The following SAMD3 variants were observed in gnomAD, a reference collection of about 807,000 sequenced individuals.
SAMD3 encodes the protein sterile alpha motif domain containing 3.
Under a neutral mutation model 58.5 loss-of-function variants are expected in SAMD3, and 63 were observed. That is an observed-to-expected ratio of 1.08 (90% confidence interval 0.88 to 1.33). The LOEUF (loss-of-function observed/expected upper bound fraction) is 1.33. SAMD3 is among the 40% of genes most tolerant of loss of function. The pLI is 0.00. For synonymous variants in SAMD3, 220 were observed against 210.3 expected (o/e 1.05, Z -0.40); for missense variants, 604 against 608.4 (o/e 0.99, Z 0.08).
At chr6:130,361,275 G>A (rs1430991319) in intron 1 of SAMD3, among the ~76,000 whole-genome samples, 1 of 152,126 alleles carries the variant, frequency 6.6e-6, no homozygotes, top group South Asian at 2.1e-4. Flanking sequence ...TAATTTGGGG[G>A]AACTAATAAA....
At chr6:130,285,419 G>A (rs1208020517) in intron 2 of SAMD3, among the ~76,000 whole-genome samples, 1 of 152,198 alleles carries the variant, frequency 6.6e-6, no homozygotes, top group Non-Finnish European at 1.5e-5. Context: ...AGTAAAGAGA[G>A]AGAGAGGGAA....
At chr6:130,187,293 T>C (rs1387646889) in intron 5 of SAMD3, among the ~76,000 whole-genome samples, 1 of 152,174 alleles carries the variant, frequency 6.6e-6, no homozygotes, top group Non-Finnish European at 1.5e-5. Flanking sequence ...GTCTTTTTAT[T>C]CTACATACTT....
At position 130,184,226 on chromosome 6, in the gene SAMD3, C is replaced by G. The variant is rs757538526; in HGVS notation, c.570-39G>C. On this transcript the variant is annotated intron_variant, in intron 6 of 11. Coordinates refer to ENST00000439090, the MANE Select transcript of SAMD3 (RefSeq NM_001017373.4). ...CAAGGAGGATATGTTTCACTTCAAG[C>G]AAACCACATTCCTTCCTTTAAGATG... is the stretch of plus-strand genomic sequence containing the variant. 17 of 1,510,766 alleles carry G rather than the reference C, an allele frequency of 1.1e-5. No individual in the cohort carries two copies. The South Asian group carries it at 1.8e-4, about 16-fold the overall frequency. The allele number at this position is 1,510,766 out of a possible 1,614,324, so 93.6% of individuals were successfully genotyped here. A position where few individuals can be genotyped will look rare whatever the true frequency, so the allele number is the denominator to read the frequency against.
At chr6:130,315,388 T>C (rs987230527) in intron 1 of SAMD3, among the ~76,000 whole-genome samples, 3 of 152,182 alleles carry the variant, frequency 2.0e-5, no homozygotes, top group Non-Finnish European at 4.4e-5. Flanking sequence ...AATCACTGGA[T>C]TAGACATTTG....
chr6:130,247,792 T>G (rs1017352513), intron 2 of SAMD3, among the ~76,000 whole-genome samples: 2 of 152,234 alleles, frequency 1.3e-5, no homozygotes, highest in Non-Finnish European at 2.9e-5. Context: ...AAGATTTGGA[T>G]TACTATTAGA....
intron 1 of SAMD3, among the ~76,000 whole-genome samples, chr6:130,350,640 A>ATACT (rs1376205364): frequency 1.4e-4 from 22 of 152,324 alleles, no homozygotes; most frequent in Admixed American, 7.2e-4. Flanking sequence ...GAAAATGGCC[A>ATACT]TACTGCCCAA....
chr6:130,145,708 A>G (rs1209060052), intron 10 of SAMD3, among the ~76,000 whole-genome samples: 2 of 152,200 alleles, frequency 1.3e-5, no homozygotes, highest in African/African-American at 2.4e-5. Context: ...TGTAAAATTA[A>G]CTGGTTACTA....
At chr6:130,333,737 T>C (rs748750554) in intron 1 of SAMD3, among the ~76,000 whole-genome samples, 2 of 152,200 alleles carry the variant, frequency 1.3e-5, no homozygotes, top group African/African-American at 4.8e-5. Flanking sequence ...TGCATAAAAA[T>C]CAAGGAAATG....
chr6:130,180,757 G>C (rs1582817728), intron 7 of SAMD3, among the ~76,000 whole-genome samples: 1 of 152,100 alleles, frequency 6.6e-6, no homozygotes, highest in South Asian at 2.1e-4. Context: ...ACACCTAGTG[G>C]GTGCCAGGGA....
At chr6:130,345,599 C>T (rs990415898) in intron 1 of SAMD3, among the ~76,000 whole-genome samples, 1 of 151,922 alleles carries the variant, frequency 6.6e-6, no homozygotes, top group Non-Finnish European at 1.5e-5. Context: ...GAAACACCCC[C>T]GAGAGGCAGC....
chr6:130,161,396 T>C (rs1204777104), intron 8 of SAMD3: 2 of 152,202 alleles, frequency 1.3e-5, no homozygotes, highest in South Asian at 2.1e-4. Flanking sequence ...ATTGCTGATA[T>C]TGACATTTAG....
At chr6:130,319,499 A>G (rs1354671587) in intron 1 of SAMD3, among the ~76,000 whole-genome samples, 1 of 152,206 alleles carries the variant, frequency 6.6e-6, no homozygotes, top group African/African-American at 2.4e-5. Flanking sequence ...ATCAGTAAAT[A>G]CTGAAAAAAC....
intron 2 of SAMD3, among the ~76,000 whole-genome samples, chr6:130,216,096 C>CG (rs1554263717): frequency 6.6e-6 from 1 of 151,922 alleles, no homozygotes; most frequent in East Asian, 1.9e-4. Context: ...GAAGCGTAGG[C>CG]AAGTTTGCAA....
intron 8 of SAMD3, among the ~76,000 whole-genome samples, chr6:130,171,501 T>C (rs529324725): frequency 1.3e-5 from 2 of 152,316 alleles, no homozygotes; most frequent in East Asian, 3.9e-4. Context: ...GGCTGTTCAA[T>C]TTCCATGTAG....
intron 1 of SAMD3, among the ~76,000 whole-genome samples, chr6:130,343,936 G>A (rs1777356216): frequency 6.6e-6 from 1 of 151,406 alleles, no homozygotes; most frequent in Non-Finnish European, 1.5e-5. Context: ...CTGTAATCCA[G>A]CCTGGGCGAC....
intron 1 of SAMD3, among the ~76,000 whole-genome samples, chr6:130,364,951 C>T (rs1179682212): frequency 7.3e-6 from 1 of 136,698 alleles, no homozygotes; most frequent in Non-Finnish European, 1.5e-5. Context: ...ATAAACAGAT[C>T]ACACGCCGAA....
At chr6:130,195,592 T>C (rs1794027490) in intron 5 of SAMD3, among the ~76,000 whole-genome samples, 1 of 152,194 alleles carries the variant, frequency 6.6e-6, no homozygotes, top group African/African-American at 2.4e-5. Context: ...ATCTCAAACA[T>C]GCTTTCTTTA....
At chr6:130,232,414 T>A (rs184388707) in intron 2 of SAMD3, among the ~76,000 whole-genome samples, 1 of 152,210 alleles carries the variant, frequency 6.6e-6, no homozygotes, top group Admixed American at 6.5e-5. Flanking sequence ...TGTCTTACTA[T>A]CCTGTTTCAT....
At chr6:130,349,949 A>G (rs1442596565) in intron 1 of SAMD3, among the ~76,000 whole-genome samples, 1 of 152,236 alleles carries the variant, frequency 6.6e-6, no homozygotes, top group Non-Finnish European at 1.5e-5. Context: ...TCCAGCATAT[A>G]AACAGAACCA....
Sources: gnomAD v4.1 joint callset for allele counts (sites outside exome capture counted in the v4.1 genomes callset) on GRCh38, gnomAD v4.1.1 for gene constraint, MANE v1.5 for transcripts, NCBI Gene and HGNC (gene_info 2026-07-23, HGNC 2026-07-21) for gene names.